AMT: variants seen among roughly 807,000 people sequenced by gnomAD.
AMT encodes the protein aminomethyltransferase, mitochondrial.
Under a neutral mutation model 39.5 loss-of-function variants are expected in AMT, and 24 were observed. That is an observed-to-expected ratio of 0.61 (90% CI 0.44 to 0.86). AMT has a LOEUF of 0.86. AMT is among the 40% of genes least tolerant of loss of function. AMT has a pLI of 0.00. For synonymous variants in AMT, 210 were observed against 212.1 expected (o/e 0.99, Z 0.09); for missense variants, 501 against 537.0 (o/e 0.93, Z 0.66).
chr3:49,420,294 A>T lies in AMT; in HGVS notation c.388T>A (p.Leu130Met). 1.2e-6 allele frequency: 2 copies of T among 1,614,222 alleles called. 1 individual carries two copies. Among genetic ancestry groups the T allele is most frequent in the South Asian group, 2.2e-5 (2 of 91,084 alleles). ...CCCTCAGAAGTATTGGTTACAATCA[A>T]GTCATCTAAGATGCCTCCAGCCTCG... Reference protein sequence around the residue: ...TNEAGGILDDLIVTNTSEGHL... With the variant: ...TNEAGGILDDMIVTNTSEGHL... Residue 130 changes from leucine (L) to methionine (M), a missense_variant, in exon 4 of 9, where the codon TTG (leucine) becomes ATG (methionine). Leu to Met is a conservative substitution (Grantham distance 15). Transcript: ENST00000273588.
rs778640538 is a variant in AMT, at chr3:49,419,709, C to T, written c.550+1G>A. 1.9e-6 allele frequency: 3 copies of T among 1,614,156 alleles called. No individual in the cohort carries two copies. Among genetic ancestry groups the T allele is most frequent in the Non-Finnish European group, 8.5e-7 (1 of 1,179,990 alleles). On this transcript the variant is annotated splice_donor_variant, in intron 5 of 8. Coordinates refer to ENST00000273588, the MANE Select transcript of AMT (RefSeq NM_000481.4). LOFTEE classifies it high-confidence loss of function. Reference sequence around the variant, plus strand: ...CTCCAACCCCAGCCCAGCCCTCTCACCTTGCAGAGCTAGCAGGGCATTATC... The same window carrying T: ...CTCCAACCCCAGCCCAGCCCTCTCATCTTGCAGAGCTAGCAGGGCATTATC...
In AMT at chr3:49,422,167, G is replaced by A. The variant is rs145243292; in HGVS notation, c.195C>T (p.His65=). ...WSLPVQYRDS[H]TDSHLHTRQH... is the part of the protein sequence containing the mutation. ...GGCGTGTGTGCAGGTGCGAGTCAGT[G>A]TGACTGTCCCGGTACTGCACTGGCA... is the stretch of plus-strand genomic sequence containing the variant. Residue 65 remains histidine, a synonymous_variant, in exon 2 of 9, where the codon CAC becomes CAT. Transcript: ENST00000273588. The A allele has an allele frequency of 2.1e-5, 34 of 1,613,964 alleles. No individual in the cohort carries two copies. The highest frequency in any genetic ancestry group is 2.7e-5 in the African/African-American group (2 of 75,058).
rs1489152600 is a variant in AMT at position 49,417,549 on chromosome 3, G to A, written c.1203C>T (p.Thr401=). 2 of 1,614,168 alleles carry A rather than the reference G, an allele frequency of 1.2e-6. No homozygotes were observed. Among genetic ancestry groups the A allele is most frequent in the Non-Finnish European group, 1.7e-6 (2 of 1,180,026 alleles). ...CCACCCTGAGCCAGCTTCACTTGAG[G>A]GTATAGTAGTTTGTGGGCACAAAGG... ...KMPFVPTNYY[T]LK is the part of the protein sequence containing the mutation. The change falls in exon 9 of 9, where the codon ACC becomes ACT. Residue 401 remains threonine, a synonymous_variant. Coordinates refer to ENST00000273588, the MANE Select transcript of AMT (RefSeq NM_000481.4).
At chr3:49,419,562 G>T in intron 5 of AMT, 148 bp downstream of exon 5, 1 of 1,440,582 alleles carries the variant, frequency 6.9e-7, no homozygotes, top group Non-Finnish European at 9.7e-7. Flanking sequence ...CTTGTGGTAG[G>T]TAGGAGGAGG....
At chr3:49,419,547 G>T in intron 5 of AMT, 142 bp from the exon 6 acceptor site, 1 of 1,472,186 alleles carries the variant, frequency 6.8e-7, no homozygotes. Context: ...CCTAGCCCAT[G>T]GAGCCTTGTG....
chr3:49,420,038 C>T (rs2049072621), intron 4 of AMT, 173 bp downstream of exon 4: 1 of 941,982 alleles, frequency 1.1e-6, no homozygotes, highest in African/African-American at 1.6e-5. Flanking sequence ...TAATCCCCCA[C>T]CACCAAACCC....
chr3:49,417,562 G>A lies in AMT; in HGVS notation c.1190C>T (p.Thr397Ile). The part of the protein sequence containing the change: ...AVVSKMPFVP[T>I]NYYTLK Reference sequence around the variant, plus strand: ...GCTTCACTTGAGGGTATAGTAGTTTGTGGGCACAAAGGGCATCTTGCTGAC... The same window carrying A: ...GCTTCACTTGAGGGTATAGTAGTTTATGGGCACAAAGGGCATCTTGCTGAC... The change falls in exon 9 of 9, where the codon ACA becomes ATA. Residue 397 changes from threonine to isoleucine, a missense_variant. Physicochemically the swap from Thr to Ile is moderately conservative, Grantham distance 89 (BLOSUM62 -1). Coordinates refer to ENST00000273588, the MANE Select transcript of AMT (RefSeq NM_000481.4). 1 of 1,614,210 alleles carries A rather than the reference G, an allele frequency of 6.2e-7. No individual in the cohort carries two copies. Among genetic ancestry groups the A allele is most frequent in the South Asian group, 1.1e-5 (1 of 91,088 alleles).
Position 49,417,396 on chromosome 3 carries a change from A to G in AMT, c.*144T>C. ...GAATGGCATGAGTTAGGTGGGGGGA[A>G]TAGGTGGTGTGGCCCCTCAACCAGA... On this transcript the variant is annotated 3_prime_UTR_variant, in exon 9 of 9. Transcript: ENST00000273588. The G allele has an allele frequency of 6.2e-7, 1 of 1,607,110 alleles. No individual in the cohort carries two copies. The highest frequency in any genetic ancestry group is 8.5e-7 in the Non-Finnish European group (1 of 1,179,092).
Position 49,417,233 on chromosome 3 carries a change from G to T in AMT, c.*307C>A. 1 of 1,568,112 alleles carries T rather than the reference G, an allele frequency of 6.4e-7. No homozygotes were observed. Among genetic ancestry groups the T allele is most frequent in the Non-Finnish European group, 8.7e-7 (1 of 1,152,402 alleles). On this transcript the variant is annotated 3_prime_UTR_variant, in exon 9 of 9. Coordinates refer to ENST00000273588, the MANE Select transcript of AMT (RefSeq NM_000481.4). ...GCCTTTGCTCCACAGCCAGCACCTG[G>T]CAGAGTGGGAGAGATGGCAGAACCA...
chr3:49,420,845 A>G, intron 3 of AMT: 1 of 212,656 alleles, frequency 4.7e-6, no homozygotes, highest in East Asian at 1.1e-4. Flanking sequence ...ATCTTGTTAA[A>G]ATGAAGGTTC....
At position 49,417,653 on chromosome 3, in the gene AMT, A is replaced by G. The variant is rs760912937; in HGVS notation, c.1099T>C (p.Cys367Arg). The G allele has an allele frequency of 3.7e-6, 6 of 1,614,156 alleles. No homozygotes were observed. The highest frequency in any genetic ancestry group is 2.2e-5 in the East Asian group (1 of 44,884). ...ATTGTCCCTGGACGACTGTACTCGCAGGGCACATAACCCATCGCCACATTC... is the reference window on the plus strand; with the variant it reads ...ATTGTCCCTGGACGACTGTACTCGCGGGGCACATAACCCATCGCCACATTC... ...KKNVAMGYVP[C>R]EYSRPGTMLL... The change falls in exon 9 of 9, where the codon TGC (cysteine) becomes CGC (arginine). Residue 367 changes from cysteine (C) to arginine (R), a missense_variant. Physicochemically the swap from Cys to Arg is radical, Grantham distance 180. Transcript: ENST00000273588.
intron 5 of AMT, 87 bp from the exon 6 acceptor site, chr3:49,419,492 C>T: frequency 6.4e-7 from 1 of 1,569,642 alleles, no homozygotes; most frequent in Admixed American, 1.9e-5. Flanking sequence ...CCAGAACAAG[C>T]CCTGAGCATG....
At chr3:49,421,435 G>A (rs2049100321) in intron 3 of AMT, 57 bp downstream of exon 3, 2 of 1,422,264 alleles carry the variant, frequency 1.4e-6, no homozygotes, top group Non-Finnish European at 2.0e-6. Flanking sequence ...TAGGGACTCA[G>A]CCCATTTGCT....
chr3:49,422,460 C>A lies in AMT; in HGVS notation c.-10G>T. ...TTACAGCCCTCTGCATCGTCGCCTGCAACGAGTGCAGACGGCGCACAGAGG... is the reference window on the plus strand; with the variant it reads ...TTACAGCCCTCTGCATCGTCGCCTGAAACGAGTGCAGACGGCGCACAGAGG... On this transcript the variant is annotated 5_prime_UTR_variant, in exon 1 of 9. Coordinates refer to ENST00000273588, the MANE Select transcript of AMT (RefSeq NM_000481.4). 6.2e-7 allele frequency: 1 copy of A among 1,612,230 alleles called. No homozygotes were observed. Among genetic ancestry groups the A allele is most frequent in the Non-Finnish European group, 8.5e-7 (1 of 1,179,486 alleles).
chr3:49,417,362 A>T lies in AMT; in HGVS notation c.*178T>A. ...CCGTCACTCAGAAGCAGGGTCCTGA[A>T]GGAAGCTGGAATGGCATGAGTTAGG... On this transcript the variant is annotated 3_prime_UTR_variant, in exon 9 of 9. Transcript: ENST00000273588. The T allele has an allele frequency of 6.3e-7, 1 of 1,599,282 alleles. No individual in the cohort carries two copies. The highest frequency in any genetic ancestry group is 1.3e-5 in the African/African-American group (1 of 74,932).
chr3:49,418,364 G>A (rs2049035745), intron 7 of AMT: 1 of 302,340 alleles, frequency 3.3e-6, no homozygotes, highest in Non-Finnish European at 6.4e-6. Context: ...TATATTTTCA[G>A]TAGAGACGGG....
At chr3:49,421,224 TAG>T (rs749827693) in intron 3 of AMT, 22 of 482,880 alleles carry the variant, frequency 4.6e-5, no homozygotes, top group Non-Finnish European at 6.8e-5. Context: ...ACATGTTGAA[TAG>T]AGAGGGGTTA....
At chr3:49,421,469 A>C in intron 3 of AMT, 23 bp downstream of exon 3, 2 of 1,602,706 alleles carry the variant, frequency 1.2e-6, no homozygotes, top group East Asian at 2.2e-5. Context: ...GAAAACTCAT[A>C]GAGCAGAAAT....
intron 4 of AMT, 105 bp from the exon 5 acceptor site, chr3:49,419,893 A>C (rs1341491099): frequency 1.1e-5 from 12 of 1,113,252 alleles, no homozygotes; most frequent in African/African-American, 1.1e-4. Context: ...GAGGAGGAGG[A>C]GGAGGGAGGA....
Sources: gnomAD v4.1 joint callset for allele counts on GRCh38, gnomAD v4.1.1 for gene constraint, MANE v1.5 for transcripts, NCBI Gene and HGNC (gene_info 2026-07-23, HGNC 2026-07-21) for gene names.